Variants in DEPDC1 observed in about 807,000 individuals in gnomAD.
The protein encoded by DEPDC1 is DEP domain-containing protein 1A.
DEPDC1 carries 66 observed loss-of-function variants against 86.8 expected under a neutral mutation model. The observed-to-expected ratio is 0.76, with a 90% CI of 0.62 to 0.93. The LOEUF (loss-of-function observed/expected upper bound fraction) is 0.93. DEPDC1 is among the 40% of genes least tolerant of loss of function. DEPDC1 has a pLI of 0.00. For missense variants in DEPDC1, 792 were observed against 935.7 expected (o/e 0.85, Z 2.00); for synonymous variants, 255 against 314.9 (o/e 0.81, Z 2.02).
intron 4 of DEPDC1, 41 bp from the exon 5 acceptor site, chr1:68,488,545 T>C (rs371649164): frequency 9.3e-6 from 14 of 1,513,380 alleles, no homozygotes; most frequent in African/African-American, 1.4e-5. Flanking sequence ...TCTTCATAAA[T>C]AGATTATACA....
intron 4 of DEPDC1, 105 bp downstream of exon 4, chr1:68,488,811 C>A (rs1646210410): frequency 2.4e-6 from 2 of 828,340 alleles, no homozygotes; most frequent in East Asian, 4.9e-5. Context: ...GCATTCTAAG[C>A]TTTCAGAATT....
rs1384008353 is a variant in DEPDC1 at position 68,482,618 on chromosome 1, C to T, written c.1190G>A (p.Gly397Glu). The T allele has an allele frequency of 6.2e-7, 1 of 1,612,828 alleles. No homozygotes were observed. Among genetic ancestry groups the T allele is most frequent in the Non-Finnish European group, 8.5e-7 (1 of 1,179,210 alleles). The change falls in exon 8 of 12, where the codon GGA (glycine) becomes GAA (glutamate). Residue 397 changes from glycine to glutamate, a missense_variant. Transcript: ENST00000456315. The stretch of plus-strand genomic sequence containing the variant: ...CCCTATTAAATTATGACAACTTCCT[C>T]CCATTATGTCATTAGCACTCACTCT... ...NRRVSANDIM[G>E]GSCHNLIGLS... is the part of the protein sequence containing the mutation.
At chr1:68,490,180 C>T (rs1466453083) in intron 2 of DEPDC1, among the ~76,000 whole-genome samples, 3 of 152,042 alleles carry the variant, frequency 2.0e-5, no homozygotes, top group African/African-American at 7.2e-5. Flanking sequence ...CATAAGTAAA[C>T]TTGTGTTGTG....
chr1:68,496,892 G>A lies in DEPDC1; in HGVS notation c.48+60C>T. ...AACTGCGAACGGTCGAGGTAAAACT[G>A]CGAACAGTGGTGACTGCCGTCAGCC... On this transcript the variant is annotated intron_variant, in intron 1 of 11. Coordinates refer to ENST00000456315, the MANE Select transcript of DEPDC1 (RefSeq NM_001114120.3). The surrounding 1 kb of genome is among the most constrained non-coding windows in gnomAD (Gnocchi z 4.0). 4 of 1,562,962 alleles carry A rather than the reference G, an allele frequency of 2.6e-6. No individual in the cohort carries two copies. In the African/African-American group the frequency reaches 4.1e-5, roughly 16 times the overall value.
chr1:68,493,924 C>G (rs887597487), intron 2 of DEPDC1, among the ~76,000 whole-genome samples: 4 of 152,092 alleles, frequency 2.6e-5, no homozygotes, highest in African/African-American at 7.2e-5. Context: ...GTCTCAAACT[C>G]CTAGCTTCAA....
chr1:68,488,675 C>T (rs760044451), intron 4 of DEPDC1, among the ~76,000 whole-genome samples, 171 bp from the exon 5 acceptor site: 2 of 151,330 alleles, frequency 1.3e-5, no homozygotes, highest in Non-Finnish European at 3.0e-5. Context: ...AAAAGGATTC[C>T]AATATATATC....
chr1:68,484,155 TA>T, intron 6 of DEPDC1, 65 bp from the exon 7 acceptor site: 1 of 1,239,252 alleles, frequency 8.1e-7, no homozygotes, highest in Non-Finnish European at 1.1e-6. Flanking sequence ...TTTTTAAACA[TA>T]AAAAGTATAA....
In DEPDC1 at chr1:68,475,733, T is replaced by A. The variant is rs904758596; in HGVS notation, c.*1199A>T. The A allele has an allele frequency of 1.3e-5, 2 of 151,904 alleles. No individual in the cohort carries two copies. The highest frequency in any genetic ancestry group is 2.9e-5 in the Non-Finnish European group (2 of 67,852). 9.4% of individuals were successfully genotyped at this position (151,904 alleles called of 1,614,324 possible). On this transcript the variant is annotated 3_prime_UTR_variant, in exon 12 of 12. Transcript: ENST00000456315. Reference sequence around the variant, plus strand: ...AGCAGAAACCTGAAGAACCTTGTTTTAAGATGAGAGTCATTTATACTTGGC... The same window carrying A: ...AGCAGAAACCTGAAGAACCTTGTTTAAAGATGAGAGTCATTTATACTTGGC...
chr1:68,480,062 G>A (rs978289630), intron 9 of DEPDC1, among the ~76,000 whole-genome samples: 1 of 151,940 alleles, frequency 6.6e-6, no homozygotes, highest in Non-Finnish European at 1.5e-5. Flanking sequence ...CAAAGCTGAT[G>A]CCATTTAGCT....
At chr1:68,486,734 G>A (rs140810197) in intron 6 of DEPDC1, among the ~76,000 whole-genome samples, 89 of 151,578 alleles carry the variant, frequency 5.9e-4, no homozygotes, top group African/African-American at 1.8e-3. Flanking sequence ...TTAAAAAATC[G>A]CCACCTTTCT....
At chr1:68,477,603 C>T (rs1255290182) in intron 11 of DEPDC1, among the ~76,000 whole-genome samples, 184 bp downstream of exon 11, 2 of 151,694 alleles carry the variant, frequency 1.3e-5, no homozygotes, top group Non-Finnish European at 3.0e-5. Context: ...AGAGCAAAAT[C>T]AGGTAGGTAC....
Position 68,484,459 on chromosome 1 carries a change from C to G in DEPDC1, c.770-369G>C, listed in dbSNP as rs958668883. ...TTCAAATTGTCTTTTTGTAAATTTA[C>G]ATGTTCATGAATATATTTTGTCTGA... On this transcript the variant is annotated intron_variant, in intron 6 of 11. Transcript: ENST00000456315. Among the ~76,000 whole-genome samples, 5 of 151,948 alleles carry G rather than the reference C, an allele frequency of 3.3e-5. No homozygotes were observed. The South Asian group carries it at 8.3e-4, about 25-fold the overall frequency.
In DEPDC1 at chr1:68,496,429, A is replaced by G. The variant is rs933615096; in HGVS notation, c.48+523T>C. Among the ~76,000 whole-genome samples, 1 of 152,186 alleles carries G rather than the reference A, an allele frequency of 6.6e-6. No individual in the cohort carries two copies. ...CCACCAGCAGTGGTTACTGATGGGT[A>G]CTCAGAAATACCGTTTTGAAACAGG... On this transcript the variant is annotated intron_variant, in intron 1 of 11. Transcript: ENST00000456315. This position sits in a 1 kb window ranked among gnomAD's most constrained non-coding sequence, Gnocchi z 4.0.
Position 68,482,678 on chromosome 1 carries a change from G to A in DEPDC1, c.1130C>T (p.Ala377Val), listed in dbSNP as rs1251950289. ...ISNPGFQERC[A>V]KKMQLVNLRN... ...TAAATTAACTAGCTGCATTTTCTTA[G>A]CACATCTTTCTTGAAATCCTGGATT... is the stretch of plus-strand genomic sequence containing the variant. The change falls in exon 8 of 12, where the codon GCT (alanine) becomes GTT (valine). Residue 377 changes from alanine to valine, a missense_variant. Physicochemically the swap from Ala to Val is moderately conservative, Grantham distance 64. Transcript: ENST00000456315. 1 of 1,612,296 alleles carries A rather than the reference G, an allele frequency of 6.2e-7. No homozygotes were observed. Among genetic ancestry groups the A allele is most frequent in the South Asian group, 1.1e-5 (1 of 90,906 alleles).
intron 10 of DEPDC1, among the ~76,000 whole-genome samples, chr1:68,478,393 G>A (rs1307856485): frequency 6.6e-6 from 1 of 151,156 alleles, no homozygotes; most frequent in East Asian, 1.9e-4. Flanking sequence ...TGACAGTGCA[G>A]GTAGTAGATG....
rs1334314756 is a variant in DEPDC1 at position 68,496,991 on chromosome 1, A to G, written c.9T>C (p.Ser3=). 1.2e-6 allele frequency: 2 copies of G among 1,612,474 alleles called. No homozygotes were observed. The highest frequency in any genetic ancestry group is 2.7e-5 in the African/African-American group (2 of 74,624). ME[S]QGVPPGPYRA... ...GATAAGGCCCGGGAGGCACACCCTG[A>G]CTCTCCATAGGTCTGTCAGCGCCCG... Residue 3 remains serine, a synonymous_variant, in exon 1 of 12, where the codon AGT becomes AGC. Coordinates refer to ENST00000456315, the MANE Select transcript of DEPDC1 (RefSeq NM_001114120.3). This position sits in a 1 kb window ranked among gnomAD's most constrained non-coding sequence, Gnocchi z 4.0.
intron 9 of DEPDC1, among the ~76,000 whole-genome samples, chr1:68,480,761 A>G (rs1214228664): frequency 6.6e-6 from 1 of 151,958 alleles, no homozygotes; most frequent in Admixed American, 6.6e-5. Context: ...GTCATTGTTA[A>G]AGAACTATCT....
intron 1 of DEPDC1, among the ~76,000 whole-genome samples, chr1:68,495,524 C>T (rs1006565982): frequency 6.6e-6 from 1 of 152,130 alleles, no homozygotes; most frequent in Non-Finnish European, 1.5e-5. Context: ...GCATTCAAAC[C>T]CAGGTGTGAT....
intron 3 of DEPDC1, 63 bp from the exon 4 acceptor site, chr1:68,489,097 C>T: frequency 1.0e-6 from 1 of 1,004,094 alleles, no homozygotes; most frequent in Non-Finnish European, 1.6e-6. Flanking sequence ...TTGAAAGCAA[C>T]AATAATTCTA....
Sources: allele counts gnomAD v4.1 joint callset (sites outside exome capture counted in the v4.1 genomes callset), GRCh38; gene constraint gnomAD v4.1.1; non-coding constraint Gnocchi (gnomAD v3.1); transcripts MANE v1.5; gene names NCBI Gene and HGNC (gene_info 2026-07-23, HGNC 2026-07-21).